The following CWC27 variants were observed in gnomAD, a reference collection of about 807,000 sequenced individuals.
CWC27 encodes the protein CWC27 spliceosome associated cyclophilin.
CWC27 carries 47 observed loss-of-function variants against 63.6 expected under a neutral mutation model. That is an observed-to-expected ratio of 0.74 (90% CI 0.58 to 0.94). CWC27 has a LOEUF of 0.94. CWC27 is among the 40% of genes least tolerant of loss of function. The pLI, the probability that CWC27 is intolerant of heterozygous loss-of-function variation, is 0.00. For missense variants in CWC27, 495 were observed against 554.3 expected, an observed-to-expected ratio of 0.89 and a Z score of 1.07; for synonymous variants, 175 against 179.8, an observed-to-expected ratio of 0.97 and a Z score of 0.22.
chr5:64,982,278 G>A (rs1279932638), intron 13 of CWC27, among the ~76,000 whole-genome samples: 1 of 152,112 alleles, frequency 6.6e-6, no homozygotes, highest in African/African-American at 2.4e-5. Context: ...TGTAATTTGT[G>A]TATATAGTTT....
At chr5:64,868,511 G>T (rs978856935) in intron 10 of CWC27, among the ~76,000 whole-genome samples, 5 of 152,014 alleles carry the variant, frequency 3.3e-5, no homozygotes, top group Non-Finnish European at 7.4e-5. Flanking sequence ...GGTTCTCAGA[G>T]TGTTGTCCCC....
intron 11 of CWC27, among the ~76,000 whole-genome samples, chr5:64,970,255 C>A (rs1284477504): frequency 2.0e-5 from 3 of 150,514 alleles, no homozygotes; most frequent in African/African-American, 7.4e-5. Context: ...CTCTGTCGCC[C>A]AGGCTGGAGT....
intron 7 of CWC27, among the ~76,000 whole-genome samples, chr5:64,791,004 T>C (rs936157541): frequency 6.6e-6 from 1 of 152,074 alleles, no homozygotes; most frequent in Non-Finnish European, 1.5e-5. Context: ...AGCTGTCTCC[T>C]TCAAGCCCAA....
chr5:64,851,215 T>A (rs1232661073), intron 10 of CWC27, among the ~76,000 whole-genome samples: 1 of 152,200 alleles, frequency 6.6e-6, no homozygotes, highest in African/African-American at 2.4e-5. Flanking sequence ...GGAATACTTT[T>A]CAGCTTTGCA....
rs1306830274 is a variant in CWC27, at chr5:65,018,245, A to G, written c.1343A>G (p.Asp448Gly). The change falls in exon 14 of 14, where the codon GAT becomes GGT. Residue 448 changes from aspartate (D) to glycine (G), a missense_variant. By Grantham distance (94) the Asp-to-Gly change is moderately conservative. Coordinates refer to ENST00000381070, the MANE Select transcript of CWC27 (RefSeq NM_005869.4). ...MQDSDTFEIY[D>G]PRNPVNKRRR... ...GACTCAGATACATTTGAAATCTATG[A>G]TCCTCGGAATCCAGTGAATAAAAGA... is the stretch of plus-strand genomic sequence containing the variant. The G allele has an allele frequency of 6.2e-7, 1 of 1,608,472 alleles. No homozygotes were observed. Among genetic ancestry groups the G allele is most frequent in the Non-Finnish European group, 8.5e-7 (1 of 1,177,944 alleles).
chr5:64,962,304 G>A (rs1748925479), intron 11 of CWC27, among the ~76,000 whole-genome samples: 2 of 152,270 alleles, frequency 1.3e-5, no homozygotes, highest in South Asian at 2.1e-4. Flanking sequence ...GAGGAAGAGA[G>A]AAAAGAAGGT....
At chr5:64,960,437 T>C (rs1316692131) in intron 11 of CWC27, among the ~76,000 whole-genome samples, 1 of 152,196 alleles carries the variant, frequency 6.6e-6, no homozygotes, top group Non-Finnish European at 1.5e-5. Flanking sequence ...GTTACCAGTG[T>C]CTGGCATATA....
intron 11 of CWC27, among the ~76,000 whole-genome samples, chr5:64,889,177 A>G (rs1449530925): frequency 2.0e-5 from 3 of 152,188 alleles, no homozygotes; most frequent in Non-Finnish European, 1.5e-5. Flanking sequence ...GACATGGCAA[A>G]TAAATGCAGT....
At chr5:64,889,379 G>A (rs1415154244) in intron 11 of CWC27, among the ~76,000 whole-genome samples, 1 of 152,138 alleles carries the variant, frequency 6.6e-6, no homozygotes, top group African/African-American at 2.4e-5. Context: ...TGCAACTTCT[G>A]TGTAAGTCTA....
chr5:64,801,257 G>T, intron 8 of CWC27, 45 bp from the exon 9 acceptor site: 1 of 1,379,568 alleles, frequency 7.2e-7, no homozygotes, highest in Non-Finnish European at 9.8e-7. Flanking sequence ...AATTGTGTTA[G>T]TTTTACCTTG....
intron 13 of CWC27, among the ~76,000 whole-genome samples, chr5:65,005,402 T>C (rs1231680639): frequency 6.6e-6 from 1 of 152,108 alleles, no homozygotes; most frequent in Non-Finnish European, 1.5e-5. Flanking sequence ...GGCAGACTTG[T>C]CCTCAGGTCC....
chr5:64,860,843 A>G (rs965464132), intron 10 of CWC27, among the ~76,000 whole-genome samples: 2 of 152,234 alleles, frequency 1.3e-5, no homozygotes, highest in African/African-American at 4.8e-5. Context: ...GTATGTTATC[A>G]TCATACAAAT....
intron 11 of CWC27, among the ~76,000 whole-genome samples, chr5:64,895,051 G>A (rs1747335887): frequency 6.6e-6 from 1 of 152,114 alleles, no homozygotes; most frequent in South Asian, 2.1e-4. Flanking sequence ...AGCATCTCTT[G>A]GGAACTCTAG....
chr5:64,947,539 A>G (rs561382329), intron 11 of CWC27, among the ~76,000 whole-genome samples: 8 of 152,274 alleles, frequency 5.3e-5, no homozygotes, highest in Non-Finnish European at 1.0e-4. Flanking sequence ...CATTTTAATA[A>G]GCTAAAAGTC....
intron 11 of CWC27, among the ~76,000 whole-genome samples, chr5:64,910,834 C>T (rs2112377886): frequency 6.6e-6 from 1 of 152,238 alleles, no homozygotes; most frequent in African/African-American, 2.4e-5. Context: ...CAGGAGTGTC[C>T]CATTTTTCCA....
At chr5:64,982,162 T>G (rs1166246439) in intron 13 of CWC27, among the ~76,000 whole-genome samples, 1 of 152,170 alleles carries the variant, frequency 6.6e-6, no homozygotes, top group Non-Finnish European at 1.5e-5. Flanking sequence ...GATTATTGAC[T>G]TTTAGACCCA....
At chr5:64,873,978 G>A (rs1030867532) in intron 10 of CWC27, among the ~76,000 whole-genome samples, 2 of 151,986 alleles carry the variant, frequency 1.3e-5, no homozygotes, top group African/African-American at 4.8e-5. Flanking sequence ...TCAGTTGACT[G>A]TAAATATGTG....
intron 11 of CWC27, among the ~76,000 whole-genome samples, chr5:64,891,259 C>A (rs1380231895): frequency 6.6e-6 from 1 of 152,004 alleles, no homozygotes; most frequent in Non-Finnish European, 1.5e-5. Flanking sequence ...AGATAAAGTT[C>A]TCTTATCTAG....
chr5:64,838,159 A>G (rs1279376782), intron 10 of CWC27, among the ~76,000 whole-genome samples: 2 of 152,168 alleles, frequency 1.3e-5, no homozygotes. Flanking sequence ...TAAATCTTGT[A>G]CAGCATTTTG....
Sources: gnomAD v4.1 joint callset for allele counts (sites outside exome capture counted in the v4.1 genomes callset) on GRCh38, gnomAD v4.1.1 for gene constraint, MANE v1.5 for transcripts, NCBI Gene and HGNC (gene_info 2026-07-23, HGNC 2026-07-21) for gene names.